Variants in NMNAT1 observed in about 807,000 individuals in gnomAD.
The protein encoded by NMNAT1 is nicotinamide nucleotide adenylyltransferase 1.
NMNAT1 carries 11 observed loss-of-function variants against 16.7 expected under a neutral mutation model. That is an observed-to-expected ratio of 0.66 (90% CI 0.41 to 1.09). NMNAT1 has a LOEUF of 1.09. Among genes scored for constraint, NMNAT1 ranks in the 50% least tolerant of loss-of-function variants. NMNAT1 has a pLI of 0.00. For synonymous variants in NMNAT1, 110 were observed against 119.8 expected (o/e 0.92, Z 0.53); for missense variants, 280 against 332.3 (o/e 0.84, Z 1.22).
At chr1:9,995,218 G>A in the NMNAT1 span, among the ~76,000 whole-genome samples, 1 of 152,124 alleles carries the variant, frequency 6.6e-6, no homozygotes, top group African/African-American at 2.4e-5. Context: ...GGCAACACAG[G>A]GATACTCCAT....
chr1:9,986,838 C>T (rs1001443706), downstream of NMNAT1, among the ~76,000 whole-genome samples: 10 of 151,864 alleles, frequency 6.6e-5, no homozygotes, highest in Admixed American at 2.0e-4. Flanking sequence ...GCTGAGATTG[C>T]GCCATTGCAC....
At chr1:9,957,919 C>CAGACAT (rs1641303990) in intron 1 of NMNAT1, among the ~76,000 whole-genome samples, 1 of 152,208 alleles carries the variant, frequency 6.6e-6, no homozygotes, top group Non-Finnish European at 1.5e-5. Context: ...CTCAGCCCTG[C>CAGACAT]AGACATAAGC....
In NMNAT1 at chr1:9,982,798, AC is replaced by A. The variant is rs1385644317; in HGVS notation, c.*98del. ...AAAGAAGTTGTGATCTGTTGCCTAA[AC>A]TAAAGCTTAAAAGTTTAGTAAAAAT... On this transcript the variant is annotated 3_prime_UTR_variant, in exon 5 of 5. Transcript: ENST00000377205. 5 of 1,296,558 alleles carry A rather than the reference AC, an allele frequency of 3.9e-6. No individual in the cohort carries two copies. In the African/African-American group the frequency reaches 7.4e-5, roughly 19 times the overall value. 80.3% of individuals were successfully genotyped at this position (1,296,558 alleles called of 1,614,324 possible). A position where few individuals can be genotyped will look rare whatever the true frequency, so the allele number is the denominator to read the frequency against.
At chr1:9,948,982 A>G (rs1641042896) in intron 1 of NMNAT1, among the ~76,000 whole-genome samples, 1 of 151,540 alleles carries the variant, frequency 6.6e-6, no homozygotes, top group South Asian at 2.1e-4. Context: ...TAAAAAGACA[A>G]AACACGGCTG....
At chr1:9,957,983 G>A (rs1641305601) in intron 1 of NMNAT1, among the ~76,000 whole-genome samples, 2 of 152,134 alleles carry the variant, frequency 1.3e-5, no homozygotes, top group Admixed American at 1.3e-4. Flanking sequence ...TGAGACATTG[G>A]TCCCCTCATT....
Position 9,983,472 on chromosome 1 carries a change from T to C in NMNAT1, c.*771T>C, listed in dbSNP as rs974702973. On this transcript the variant is annotated 3_prime_UTR_variant, in exon 5 of 5. Transcript: ENST00000377205. ...GAGTTCAAGACCAGCCTGGCCAATA[T>C]GGTGAAACCCCATCTCTACTAAGAA... 6.6e-6 allele frequency: 1 copy of C among 151,570 alleles called. No homozygotes were observed. Among genetic ancestry groups the C allele is most frequent in the African/African-American group, 2.4e-5 (1 of 41,234 alleles). The allele number at this position is 151,570 out of a possible 1,614,324, so 9.4% of individuals were successfully genotyped here.
chr1:9,974,801 G>C (rs1641770289), intron 2 of NMNAT1, among the ~76,000 whole-genome samples: 2 of 152,002 alleles, frequency 1.3e-5, no homozygotes, highest in Admixed American at 6.6e-5. Context: ...TGGGATAACA[G>C]GTGTGAGCCA....
intron 1 of NMNAT1, among the ~76,000 whole-genome samples, chr1:9,963,350 A>G (rs751049743): frequency 8.5e-5 from 13 of 152,190 alleles, no homozygotes; most frequent in African/African-American, 2.9e-4. Context: ...GCCAAGTCTT[A>G]GATGTACACA....
At chr1:9,992,660 C>T in the NMNAT1 span, among the ~76,000 whole-genome samples, 1 of 152,024 alleles carries the variant, frequency 6.6e-6, no homozygotes, top group Admixed American at 6.6e-5. Flanking sequence ...GCCTGTAATC[C>T]CAGCACTTTG....
chr1:9,943,353 G>C (rs1296620159), upstream of NMNAT1: 1 of 152,964 alleles, frequency 6.5e-6, no homozygotes, highest in Non-Finnish European at 1.5e-5. Flanking sequence ...GCCTACCTGA[G>C]GGCACTGGCC....
At chr1:9,978,012 G>A (rs767346450) in intron 3 of NMNAT1, among the ~76,000 whole-genome samples, 4 of 152,036 alleles carry the variant, frequency 2.6e-5, no homozygotes, top group Admixed American at 6.6e-5. Context: ...GGACTCCAGC[G>A]TCTAGCCACC....
chr1:9,948,125 A>T (rs561871305), intron 1 of NMNAT1, among the ~76,000 whole-genome samples: 1 of 152,290 alleles, frequency 6.6e-6, no homozygotes, highest in Admixed American at 6.6e-5. Flanking sequence ...TGGTGGCGTC[A>T]AGGGATAGTG....
chr1:9,958,383 T>G (rs1050179657), intron 1 of NMNAT1, among the ~76,000 whole-genome samples: 6 of 152,160 alleles, frequency 3.9e-5, no homozygotes, highest in African/African-American at 7.2e-5. Context: ...AAATAGCTAC[T>G]ACTTATTGTT....
intron 1 of NMNAT1, among the ~76,000 whole-genome samples, chr1:9,968,230 C>A (rs1449449571): frequency 2.6e-5 from 4 of 151,308 alleles, no homozygotes; most frequent in Non-Finnish European, 5.9e-5. Flanking sequence ...CGCCACCACG[C>A]CTGGCTAATT....
chr1:9,952,240 T>G (rs915409405), intron 1 of NMNAT1: 1 of 152,112 alleles, frequency 6.6e-6, no homozygotes, highest in African/African-American at 2.4e-5. Flanking sequence ...AGGCGGAGCT[T>G]GCAGTAAGCA....
chr1:9,961,339 A>G (rs1171658451), intron 1 of NMNAT1, among the ~76,000 whole-genome samples: 1 of 152,104 alleles, frequency 6.6e-6, no homozygotes, highest in African/African-American at 2.4e-5. Flanking sequence ...TCTCTTGGGA[A>G]TAGTAACTGA....
chr1:9,979,682 G>A (rs886088322), intron 3 of NMNAT1, among the ~76,000 whole-genome samples: 1 of 151,310 alleles, frequency 6.6e-6, no homozygotes, highest in Admixed American at 6.6e-5. Flanking sequence ...GGCGCCTGTA[G>A]TCCCAGCTAC....
the NMNAT1 span, among the ~76,000 whole-genome samples, chr1:9,995,892 G>T: frequency 1.3e-5 from 2 of 151,772 alleles, no homozygotes; most frequent in African/African-American, 4.8e-5. Flanking sequence ...AGTTGGGCAT[G>T]GTGATGGGCA....
intron 1 of NMNAT1, among the ~76,000 whole-genome samples, chr1:9,948,120 G>A (rs1641019824): frequency 6.6e-6 from 1 of 152,108 alleles, no homozygotes; most frequent in South Asian, 2.1e-4. Context: ...AATGTTGGTG[G>A]CGTCAAGGGA....
Sources: allele counts gnomAD v4.1 joint callset (sites outside exome capture counted in the v4.1 genomes callset), GRCh38; gene constraint gnomAD v4.1.1; transcripts MANE v1.5; gene names NCBI Gene and HGNC (gene_info 2026-07-23, HGNC 2026-07-21).